The following INPP4A variants were observed in gnomAD, a reference collection of about 807,000 sequenced individuals.
INPP4A encodes inositol polyphosphate-4-phosphatase type I A, also known as inositol polyphosphate-4-phosphatase, type I, 107kD.
In INPP4A, 33 loss-of-function variants were observed where a neutral mutation model predicts 119.8. The observed-to-expected ratio is 0.28, with a 90% CI of 0.21 to 0.37. The LOEUF (loss-of-function observed/expected upper bound fraction) is 0.37. INPP4A is among the 10% of genes least tolerant of loss of function. INPP4A has a pLI of 1.00. For synonymous variants in INPP4A, 496 were observed against 500.7 expected (o/e 0.99, Z 0.12); for missense variants, 956 against 1,289.9 (o/e 0.74, Z 3.97).
At chr2:98,556,293 T>C (rs1160717593) in intron 16 of INPP4A, among the ~76,000 whole-genome samples, 1 of 152,202 alleles carries the variant, frequency 6.6e-6, no homozygotes, top group African/African-American at 2.4e-5. Context: ...CTGGGCACTC[T>C]CTTATGCAGC....
At chr2:98,509,341 T>A (rs1212693736) in intron 1 of INPP4A, among the ~76,000 whole-genome samples, 1 of 152,180 alleles carries the variant, frequency 6.6e-6, no homozygotes, top group Non-Finnish European at 1.5e-5. Context: ...TGGCATTAGA[T>A]TCTCGTAGGA....
intron 10 of INPP4A, 101 bp from the exon 11 acceptor site, chr2:98,543,776 G>A (rs1691971137): frequency 1.4e-6 from 2 of 1,456,540 alleles, no homozygotes; most frequent in Non-Finnish European, 1.9e-6. Flanking sequence ...GGGCATCCAT[G>A]ATACTTCCCC....
In INPP4A at chr2:98,591,713, AGAG is replaced by A. The variant is rs1206184335; in HGVS notation, c.*4109_*4111del. The A allele has an allele frequency of 2.0e-5, 3 of 152,380 alleles. No homozygotes were observed. Among genetic ancestry groups the A allele is most frequent in the Non-Finnish European group, 4.4e-5 (3 of 68,202 alleles). 9.4% of individuals were successfully genotyped at this position (152,380 alleles called of 1,614,324 possible). A position where few individuals can be genotyped will look rare whatever the true frequency, so the allele number is the denominator to read the frequency against. Reference sequence around the variant, plus strand: ...GGAGGCTTTGCGCTGGAGGAAGGTAAGAGGAGCTGGAGGTTGGAGCTTCCCGAT... The same window carrying A: ...GGAGGCTTTGCGCTGGAGGAAGGTAAGAGCTGGAGGTTGGAGCTTCCCGAT... On this transcript the variant is annotated 3_prime_UTR_variant, in exon 25 of 25. Coordinates refer to ENST00000409851, the MANE Select transcript of INPP4A (RefSeq NM_001134225.2).
At chr2:98,475,680 C>T (rs1412450816) in intron 1 of INPP4A, among the ~76,000 whole-genome samples, 2 of 152,120 alleles carry the variant, frequency 1.3e-5, no homozygotes, top group Non-Finnish European at 2.9e-5. Context: ...CTGCTGTTTG[C>T]TGGGGCATGC....
At chr2:98,507,261 T>C (rs112608558) in intron 1 of INPP4A, among the ~76,000 whole-genome samples, 2 of 152,190 alleles carry the variant, frequency 1.3e-5, no homozygotes, top group Non-Finnish European at 2.9e-5. Flanking sequence ...CCGAGTTCAT[T>C]TGTGTTGGGG....
At chr2:98,547,869 G>A (rs1575027921) in intron 13 of INPP4A, among the ~76,000 whole-genome samples, 1 of 152,014 alleles carries the variant, frequency 6.6e-6, no homozygotes, top group South Asian at 2.1e-4. Context: ...GCTGGGGAGG[G>A]TCAGACTCAG....
chr2:98,450,809 G>A (rs1248303780), intron 1 of INPP4A, among the ~76,000 whole-genome samples: 2 of 152,090 alleles, frequency 1.3e-5, no homozygotes, highest in Non-Finnish European at 2.9e-5. Context: ...TGTCGCCTAG[G>A]CTAGAGTGCA....
chr2:98,470,731 G>A (rs1196886397), intron 1 of INPP4A, among the ~76,000 whole-genome samples: 1 of 151,840 alleles, frequency 6.6e-6, no homozygotes, highest in Non-Finnish European at 1.5e-5. Flanking sequence ...GCAGTGGCGC[G>A]ACCTCGGCTC....
intron 1 of INPP4A, among the ~76,000 whole-genome samples, chr2:98,493,222 T>C (rs972778793): frequency 1.5e-4 from 23 of 152,022 alleles, no homozygotes; most frequent in African/African-American, 4.4e-4. Context: ...GGGTGAGCCC[T>C]TTTTTTGGAT....
intron 1 of INPP4A, among the ~76,000 whole-genome samples, chr2:98,477,516 G>A (rs1677495243): frequency 6.6e-6 from 1 of 152,242 alleles, no homozygotes; most frequent in African/African-American, 2.4e-5. Context: ...AACAACAGAG[G>A]ATGAACCAGA....
At position 98,567,359 on chromosome 2, in the gene INPP4A, C is replaced by T. The variant is rs142426115; in HGVS notation, c.2420+1190C>T. On this transcript the variant is annotated intron_variant, in intron 21 of 24. Coordinates refer to ENST00000409851, the MANE Select transcript of INPP4A (RefSeq NM_001134225.2). ...CAGACCCACCCACTGAGCTCATAAACTGGCAGGAGAGTCGTGTCCAGAGGC... is the reference window on the plus strand; with the variant it reads ...CAGACCCACCCACTGAGCTCATAAATTGGCAGGAGAGTCGTGTCCAGAGGC... Among the ~76,000 whole-genome samples the T allele has an allele frequency of 7.6e-3, 1,155 of 152,302 alleles. 9 individuals are homozygous for T. Among genetic ancestry groups the T allele is most frequent in the Non-Finnish European group, 0.011 (775 of 68,030 alleles).
intron 1 of INPP4A, among the ~76,000 whole-genome samples, chr2:98,492,302 G>A (rs879419213): frequency 6.6e-5 from 10 of 152,130 alleles, no homozygotes; most frequent in Non-Finnish European, 1.2e-4. Flanking sequence ...AAAAATCATT[G>A]AACTCTTGTA....
At chr2:98,584,210 C>T (rs1210965996) in intron 24 of INPP4A, among the ~76,000 whole-genome samples, 1 of 152,230 alleles carries the variant, frequency 6.6e-6, no homozygotes, top group Admixed American at 6.5e-5. Context: ...CACATTGAGG[C>T]GTGCACTTCA....
chr2:98,450,907 G>T (rs1695112842), intron 1 of INPP4A, among the ~76,000 whole-genome samples: 1 of 152,160 alleles, frequency 6.6e-6, no homozygotes, highest in Non-Finnish European at 1.5e-5. Context: ...TAGTAGCTGA[G>T]ATTACAGGCA....
At chr2:98,523,486 C>T (rs183251545) in intron 4 of INPP4A, among the ~76,000 whole-genome samples, 158 of 151,982 alleles carry the variant, frequency 1.0e-3, no homozygotes, top group African/African-American at 3.6e-3. Flanking sequence ...GCTCCGCCTC[C>T]TGGGTTCATG....
chr2:98,550,241 G>A (rs1417992759), intron 13 of INPP4A, among the ~76,000 whole-genome samples: 1 of 152,086 alleles, frequency 6.6e-6, no homozygotes, highest in Non-Finnish European at 1.5e-5. Flanking sequence ...CCTGAAGCAG[G>A]GAGGGGATGG....
chr2:98,497,615 AGTT>A (rs1389460878), intron 1 of INPP4A, among the ~76,000 whole-genome samples: 2 of 152,152 alleles, frequency 1.3e-5, no homozygotes, highest in Non-Finnish European at 2.9e-5. Context: ...TCTGCAGTTG[AGTT>A]GTTTGAGTTC....
intron 16 of INPP4A, among the ~76,000 whole-genome samples, chr2:98,558,796 A>C (rs1694948664): frequency 6.6e-6 from 1 of 152,262 alleles, no homozygotes; most frequent in African/African-American, 2.4e-5. Flanking sequence ...AGTACATCCC[A>C]GTGTGACTTA....
intron 1 of INPP4A, among the ~76,000 whole-genome samples, chr2:98,494,530 A>T (rs534171427): frequency 1.3e-5 from 2 of 152,180 alleles, no homozygotes; most frequent in African/African-American, 4.8e-5. Context: ...CAAGTAGGAG[A>T]GGTAGGCTAT....
Sources: gnomAD v4.1 joint callset for allele counts (sites outside exome capture counted in the v4.1 genomes callset) on GRCh38, gnomAD v4.1.1 for gene constraint, MANE v1.5 for transcripts, NCBI Gene and HGNC (gene_info 2026-07-23, HGNC 2026-07-21) for gene names.